Variants in LINGO2 observed in about 807,000 individuals in gnomAD.
The protein encoded by LINGO2 is leucine rich repeat and Ig domain containing 2.
Under a neutral mutation model 30.6 loss-of-function variants are expected in LINGO2, and 14 were observed. The observed-to-expected ratio is 0.46, with a 90% CI of 0.30 to 0.72. LINGO2 has a LOEUF of 0.72. Ranked by LOEUF, LINGO2 falls within the 30% of genes least tolerant of loss-of-function variation. The probability of loss-of-function intolerance (pLI) is 0.07; values close to 1 mark genes in which losing one functional copy is unlikely to be tolerated. For synonymous variants in LINGO2, 317 were observed against 288.5 expected, an observed-to-expected ratio of 1.10 and a Z score of -1.00; for missense variants, 729 against 751.7, an observed-to-expected ratio of 0.97 and a Z score of 0.35.
intron 4 of LINGO2, among the ~76,000 whole-genome samples, chr9:28,289,145 C>G (rs1437709984): frequency 6.6e-6 from 1 of 152,224 alleles, no homozygotes; most frequent in African/African-American, 2.4e-5. Context: ...CTCTTTCTAC[C>G]TTATGGACAA....
chr9:28,551,171 T>G (rs1822260111), intron 1 of LINGO2, among the ~76,000 whole-genome samples: 1 of 150,774 alleles, frequency 6.6e-6, no homozygotes, highest in South Asian at 2.1e-4. Context: ...GTATTAATAT[T>G]TTAAACTTTA....
the LINGO2 span, among the ~76,000 whole-genome samples, chr9:28,929,193 A>G: frequency 6.2e-4 from 94 of 152,308 alleles, no homozygotes; most frequent in Non-Finnish European, 1.2e-3. Flanking sequence ...TGCCTGCTCC[A>G]CACCTTATTC....
chr9:29,124,117 A>G, the LINGO2 span, among the ~76,000 whole-genome samples: 1 of 152,138 alleles, frequency 6.6e-6, no homozygotes, highest in Non-Finnish European at 1.5e-5. Context: ...CACATCTACA[A>G]CCATCTGATC....
chr9:28,496,220 A>T (rs1819620879), intron 1 of LINGO2, among the ~76,000 whole-genome samples: 1 of 151,732 alleles, frequency 6.6e-6, no homozygotes, highest in Non-Finnish European at 1.5e-5. Flanking sequence ...ATCCTTTCTA[A>T]CTTTCTGTCT....
the LINGO2 span, among the ~76,000 whole-genome samples, chr9:29,093,281 A>T: frequency 7.5e-6 from 1 of 133,102 alleles, no homozygotes; most frequent in Non-Finnish European, 1.6e-5. Flanking sequence ...CATCACAATA[A>T]TTTTTTCAAG....
intron 2 of LINGO2, among the ~76,000 whole-genome samples, chr9:28,426,011 A>C (rs1823395418): frequency 6.6e-6 from 1 of 152,082 alleles, no homozygotes; most frequent in African/African-American, 2.4e-5. Context: ...GCTTTGCTTC[A>C]GAGAAGATAG....
At chr9:28,110,583 T>C (rs1037123194) in intron 4 of LINGO2, among the ~76,000 whole-genome samples, 3 of 152,074 alleles carry the variant, frequency 2.0e-5, no homozygotes, top group African/African-American at 7.3e-5. Flanking sequence ...GCTAAGTATA[T>C]GCATGGACCC....
the LINGO2 span, among the ~76,000 whole-genome samples, chr9:28,809,955 A>C: frequency 6.6e-6 from 1 of 151,996 alleles, no homozygotes; most frequent in Non-Finnish European, 1.5e-5. Context: ...GCTACCCTTC[A>C]CCTCACACAA....
intron 4 of LINGO2, among the ~76,000 whole-genome samples, chr9:28,188,961 G>A (rs1292317256): frequency 1.3e-5 from 2 of 152,064 alleles, no homozygotes; most frequent in East Asian, 3.9e-4. Flanking sequence ...GCTTAAGATT[G>A]GAGAGAGAGG....
the LINGO2 span, among the ~76,000 whole-genome samples, chr9:29,028,829 C>T: frequency 6.6e-6 from 1 of 152,154 alleles, no homozygotes; most frequent in Non-Finnish European, 1.5e-5. Flanking sequence ...GCTATCAGAA[C>T]TTAGATGGAT....
intron 4 of LINGO2, among the ~76,000 whole-genome samples, chr9:28,291,364 C>T (rs1390019227): frequency 1.3e-5 from 2 of 152,176 alleles, no homozygotes; most frequent in African/African-American, 4.8e-5. Context: ...ACTACATCCA[C>T]GTGTTCCTTA....
At chr9:28,434,573 A>C (rs569320988) in intron 2 of LINGO2, among the ~76,000 whole-genome samples, 75 of 151,524 alleles carry the variant, frequency 4.9e-4, no homozygotes, top group Non-Finnish European at 7.4e-5. Context: ...TTGAGAAATG[A>C]CATTTTTATC....
chr9:28,748,768 A>T, the LINGO2 span, among the ~76,000 whole-genome samples: 3 of 152,070 alleles, frequency 2.0e-5, no homozygotes, highest in East Asian at 5.8e-4. Context: ...TGTTCTTTTT[A>T]AAAAATCTCC....
In LINGO2 at chr9:28,147,327, G is replaced by A. The variant is rs1827841528; in HGVS notation, c.-86-134922C>T. On this transcript the variant is annotated intron_variant, in intron 4 of 5. Transcript: ENST00000379992. The surrounding 1 kb of genome is among the most constrained non-coding windows in gnomAD (Gnocchi z 4.7). The stretch of plus-strand genomic sequence containing the variant: ...TGACCACCTGAATGACCTGAGGAAT[G>A]GTCTCAGGCAAATTTGTAAAAAGTG... Among the ~76,000 whole-genome samples, 1 of 152,210 alleles carries A rather than the reference G, an allele frequency of 6.6e-6. No individual in the cohort carries two copies. Among genetic ancestry groups the A allele is most frequent in the Non-Finnish European group, 1.5e-5 (1 of 68,028 alleles).
At chr9:28,946,583 C>G in the LINGO2 span, among the ~76,000 whole-genome samples, 1 of 152,106 alleles carries the variant, frequency 6.6e-6, no homozygotes, top group African/African-American at 2.4e-5. Context: ...TCCATGCATT[C>G]ACTAATTTTG....
intron 5 of LINGO2, among the ~76,000 whole-genome samples, chr9:27,964,679 T>C (rs982677768): frequency 6.6e-6 from 1 of 152,114 alleles, no homozygotes; most frequent in African/African-American, 2.4e-5. Context: ...AACTGTGCTA[T>C]AGATAACTTA....
At chr9:28,645,510 G>A (rs1827798667) in intron 1 of LINGO2, among the ~76,000 whole-genome samples, 1 of 152,040 alleles carries the variant, frequency 6.6e-6, no homozygotes, top group African/African-American at 2.4e-5. Context: ...AAAGGCAACG[G>A]GCCAAGAGCT....
chr9:29,077,405 C>T, the LINGO2 span, among the ~76,000 whole-genome samples: 7 of 152,096 alleles, frequency 4.6e-5, no homozygotes, highest in Admixed American at 1.3e-4. Flanking sequence ...TATAGCTATT[C>T]ATGTCAATAT....
intron 4 of LINGO2, among the ~76,000 whole-genome samples, chr9:28,016,964 C>G (rs1378959666): frequency 6.6e-6 from 1 of 152,084 alleles, no homozygotes; most frequent in Non-Finnish European, 1.5e-5. Context: ...AAACCAAAAC[C>G]TGCAGCATAT....
Sources: gnomAD v4.1 joint callset for allele counts (sites outside exome capture counted in the v4.1 genomes callset) on GRCh38, gnomAD v4.1.1 for gene constraint, Gnocchi (gnomAD v3.1) non-coding constraint, MANE v1.5 for transcripts, NCBI Gene and HGNC (gene_info 2026-07-23, HGNC 2026-07-21) for gene names.